RANBP2: variants seen among roughly 807,000 people sequenced by gnomAD.
RANBP2 encodes the protein RAN binding protein 2, also known as E3 SUMO-protein ligase RanBP2.
RANBP2 carries 57 observed loss-of-function variants against 303.6 expected under a neutral mutation model. The ratio of observed to expected loss-of-function variants is 0.19; its 90% confidence interval spans 0.15 to 0.23. The LOEUF (loss-of-function observed/expected upper bound fraction) is 0.23. Ranked by LOEUF, RANBP2 falls within the 10% of genes least tolerant of loss-of-function variation. The pLI, the probability that RANBP2 is intolerant of heterozygous loss-of-function variation, is 1.00. For missense variants in RANBP2, 3,138 were observed against 3,780.8 expected, an observed-to-expected ratio of 0.83 and a Z score of 4.46; for synonymous variants, 1,167 against 1,301.5, an observed-to-expected ratio of 0.90 and a Z score of 2.23.
the RANBP2 span, chr2:109,419,410 G>C: frequency 1.1e-6 from 1 of 944,180 alleles, no homozygotes; most frequent in East Asian, 2.6e-5. Flanking sequence ...GGCACAGCAC[G>C]TTGGAGGCCA....
the RANBP2 span, among the ~76,000 whole-genome samples, chr2:109,391,167 C>T: frequency 2.6e-3 from 390 of 152,386 alleles, 2 homozygotes; most frequent in African/African-American, 8.9e-3. Context: ...TGCCTGTACT[C>T]AGGCTTTACG....
chr2:109,050,507 G>A, the RANBP2 span, among the ~76,000 whole-genome samples: 2 of 151,990 alleles, frequency 1.3e-5, no homozygotes, highest in Non-Finnish European at 2.9e-5. Context: ...CTCCTGTCTC[G>A]GCCTCCCATA....
At chr2:108,734,546 G>A (rs1401648833) in intron 4 of RANBP2, among the ~76,000 whole-genome samples, 1 of 151,814 alleles carries the variant, frequency 6.6e-6, no homozygotes, top group Non-Finnish European at 1.5e-5. Context: ...CAGTAATTAT[G>A]GATATAAGGG....
chr2:109,038,185 A>G, the RANBP2 span, among the ~76,000 whole-genome samples: 2 of 152,226 alleles, frequency 1.3e-5, no homozygotes, highest in Non-Finnish European at 2.9e-5. Flanking sequence ...TTCAATAGAG[A>G]AGGATAGCCT....
chr2:108,880,224 C>A, the RANBP2 span, among the ~76,000 whole-genome samples: 6 of 50,442 alleles, frequency 1.2e-4, no homozygotes, highest in Admixed American at 2.6e-4. Flanking sequence ...CAAAAACAAA[C>A]AAAAAAAAAA....
At chr2:109,338,809 C>G in the RANBP2 span, among the ~76,000 whole-genome samples, 1 of 152,156 alleles carries the variant, frequency 6.6e-6, no homozygotes, top group African/African-American at 2.4e-5. Context: ...CCACCCGCCT[C>G]GGCCTCCCAA....
At chr2:109,766,752 TA>T in the RANBP2 span, among the ~76,000 whole-genome samples, 11 of 149,416 alleles carry the variant, frequency 7.4e-5, no homozygotes, top group African/African-American at 2.7e-4. Flanking sequence ...ATTTTGTGTG[TA>T]AGTGGAATTT....
the RANBP2 span, among the ~76,000 whole-genome samples, chr2:109,093,676 TGATATA>T: frequency 3.9e-5 from 6 of 152,172 alleles, no homozygotes; most frequent in Non-Finnish European, 8.8e-5. Context: ...AGTTAAAAAC[TGATATA>T]CAAGCTATAT....
the RANBP2 span, among the ~76,000 whole-genome samples, chr2:109,548,082 A>G: frequency 6.6e-6 from 1 of 152,174 alleles, no homozygotes; most frequent in African/African-American, 2.4e-5. Flanking sequence ...AATGAGAGGA[A>G]ATACAGATGA....
At chr2:109,473,412 T>C in the RANBP2 span, among the ~76,000 whole-genome samples, 2 of 151,988 alleles carry the variant, frequency 1.3e-5, no homozygotes, top group Admixed American at 1.3e-4. Flanking sequence ...TGGCACCAAA[T>C]TGGGACAAAT....
chr2:109,441,797 C>T, the RANBP2 span, among the ~76,000 whole-genome samples: 1 of 151,822 alleles, frequency 6.6e-6, no homozygotes, highest in African/African-American at 2.4e-5. Context: ...TGAAAACAGC[C>T]AGAGGACAAA....
the RANBP2 span, among the ~76,000 whole-genome samples, chr2:109,315,459 T>C: frequency 6.6e-6 from 1 of 152,278 alleles, no homozygotes; most frequent in Non-Finnish European, 1.5e-5. Context: ...GTCTGTAGAA[T>C]GCACTTGCTT....
At chr2:109,226,841 CA>C in the RANBP2 span, among the ~76,000 whole-genome samples, 1 of 152,220 alleles carries the variant, frequency 6.6e-6, no homozygotes, top group African/African-American at 2.4e-5. Flanking sequence ...AGGACCCCTA[CA>C]GCTGCAGGAG....
the RANBP2 span, among the ~76,000 whole-genome samples, chr2:109,212,674 T>C: frequency 6.6e-6 from 1 of 152,332 alleles, no homozygotes; most frequent in African/African-American, 2.4e-5. Context: ...TTGTGTTAAA[T>C]GGACTCACCT....
In RANBP2 at chr2:108,753,526, C is replaced by G. The variant is rs756408556; in HGVS notation, c.2018C>G (p.Ser673Cys). The G allele has an allele frequency of 3.7e-6, 6 of 1,611,696 alleles. No homozygotes were observed. The highest frequency in any genetic ancestry group is 1.3e-5 in the African/African-American group (1 of 74,824). The change falls in exon 14 of 29, where the codon TCT (serine) becomes TGT (cysteine). Residue 673 changes from serine (S) to cysteine (C), a missense_variant. Physicochemically the swap from Ser to Cys is moderately radical, Grantham distance 112. This residue lies in a region of RANBP2 where 194 missense variants were observed against 197.4 expected (regional missense o/e 0.98). Coordinates refer to ENST00000283195, the MANE Select transcript of RANBP2 (RefSeq NM_006267.5). ...GAAGATGCTGTGACTGCTTTTGAAT[C>G]TATAAAAAGTGTTGTTTCTTATTGG... ...NIEDAVTAFE[S>C]IKSVVSYWNL...
intron 17 of RANBP2, among the ~76,000 whole-genome samples, chr2:108,755,935 G>A (rs1676281737): frequency 6.6e-6 from 1 of 152,060 alleles, no homozygotes; most frequent in African/African-American, 2.4e-5. Flanking sequence ...TGTTGGCCAA[G>A]CTGTTTTTGA....
Position 108,766,471 on chromosome 2 carries a change from T to A in RANBP2, c.5932T>A (p.Leu1978Ile), listed in dbSNP as rs1196037442. The A allele has an allele frequency of 6.2e-7, 1 of 1,611,796 alleles. No homozygotes were observed. Among genetic ancestry groups the A allele is most frequent in the East Asian group, 2.2e-5 (1 of 44,874 alleles). Residue 1978 changes from leucine (L) to isoleucine (I), a missense_variant, in exon 20 of 29, where the codon TTA becomes ATA. Leu to Ile is a conservative substitution (Grantham distance 5). This residue lies in a region of RANBP2 where 348 missense variants were observed against 360.4 expected (regional missense o/e 0.97). Coordinates refer to ENST00000283195, the MANE Select transcript of RANBP2 (RefSeq NM_006267.5). Reference sequence around the variant, plus strand: ...GGGATTTTCAGGTGCTGGAGAAAAATTATTCTCATCACAATACGGTAAAAT... The same window carrying A: ...GGGATTTTCAGGTGCTGGAGAAAAAATATTCTCATCACAATACGGTAAAAT... ...FKGFSGAGEK[L>I]FSSQYGKMAN...
chr2:109,736,874 C>T, the RANBP2 span, among the ~76,000 whole-genome samples: 3 of 152,016 alleles, frequency 2.0e-5, no homozygotes, highest in African/African-American at 7.3e-5. Context: ...CCTCCACACC[C>T]TCAAGTGCCT....
the RANBP2 span, among the ~76,000 whole-genome samples, chr2:109,466,072 CTTTTTTTTTTTTTT>C: frequency 2.4e-5 from 2 of 82,332 alleles, no homozygotes; most frequent in Admixed American, 3.6e-4. Flanking sequence ...ACCTGTACAT[CTTTTTTTTTTTTTT>C]TTTTTTTTTT....
Sources: gnomAD v4.1 joint callset for allele counts (sites outside exome capture counted in the v4.1 genomes callset) on GRCh38, gnomAD v4.1.1 for gene constraint, gnomAD v4.1.1 regional missense constraint, MANE v1.5 for transcripts, NCBI Gene and HGNC (gene_info 2026-07-23, HGNC 2026-07-21) for gene names.